The following B3GALT5 variants were observed in gnomAD, a reference collection of about 807,000 sequenced individuals.
The protein encoded by B3GALT5 is UDP-Gal:betaGlcNAc beta 1,3-galactosyltransferase, polypeptide 5.
For synonymous variants in B3GALT5, 156 were observed against 158.6 expected (o/e 0.98, Z 0.12); for missense variants, 328 against 396.6 (o/e 0.83, Z 1.47).
chr21:39,642,873 CAA>C (rs1210751363), intron 1 of B3GALT5, among the ~76,000 whole-genome samples: 4 of 100,082 alleles, frequency 4.0e-5, no homozygotes, highest in Admixed American at 1.1e-4. Context: ...CCCATTGCCA[CAA>C]AAAAAAAAAA....
chr21:39,616,638 T>C (rs1023711774), intron 1 of B3GALT5, among the ~76,000 whole-genome samples: 4 of 152,200 alleles, frequency 2.6e-5, no homozygotes, highest in African/African-American at 9.6e-5. Flanking sequence ...AACAATTTTT[T>C]GAATTGTCCT....
chr21:39,618,009 C>G (rs58098567), intron 1 of B3GALT5, among the ~76,000 whole-genome samples: 44,855 of 151,538 alleles, frequency 0.3, 7,010 homozygotes, highest in African/African-American at 0.4. Context: ...AAAAAATTAC[C>G]CCAAGCGTGG....
intron 1 of B3GALT5, among the ~76,000 whole-genome samples, chr21:39,640,739 C>A (rs1007112433): frequency 6.6e-6 from 1 of 150,462 alleles, no homozygotes; most frequent in Non-Finnish European, 1.5e-5. Flanking sequence ...GCCTTTCCAA[C>A]CTGGATGCTT....
chr21:39,656,535 C>T (rs1374061868), intron 2 of B3GALT5, among the ~76,000 whole-genome samples: 2 of 152,208 alleles, frequency 1.3e-5, no homozygotes, highest in East Asian at 3.9e-4. Context: ...AGTGCTTTGT[C>T]CTTGCATACT....
At chr21:39,616,299 A>T (rs769143659) in intron 1 of B3GALT5, among the ~76,000 whole-genome samples, 27 of 152,008 alleles carry the variant, frequency 1.8e-4, no homozygotes, top group Non-Finnish European at 3.2e-4. Context: ...TCATTTTTCC[A>T]TAGAGGTGTT....
intron 2 of B3GALT5, among the ~76,000 whole-genome samples, chr21:39,653,373 C>T (rs747439669): frequency 7.2e-5 from 11 of 152,212 alleles, no homozygotes; most frequent in African/African-American, 1.7e-4. Context: ...CCAAATTCAC[C>T]CTTTTTGCCT....
intron 1 of B3GALT5, among the ~76,000 whole-genome samples, chr21:39,626,927 C>A (rs2079167031): frequency 6.6e-6 from 1 of 152,188 alleles, no homozygotes; most frequent in Non-Finnish European, 1.5e-5. Context: ...CTCCAGCAGT[C>A]ATCATTTCTT....
chr21:39,625,519 A>AT (rs2079159196), intron 1 of B3GALT5, among the ~76,000 whole-genome samples: 1 of 152,216 alleles, frequency 6.6e-6, no homozygotes, highest in Non-Finnish European at 1.5e-5. Flanking sequence ...ATGTGCAGGC[A>AT]TTTGCAGCAA....
At chr21:39,617,990 A>T (rs1239822239) in intron 1 of B3GALT5, among the ~76,000 whole-genome samples, 1 of 138,638 alleles carries the variant, frequency 7.2e-6, no homozygotes, top group Non-Finnish European at 1.6e-5. Context: ...AAATAAATAA[A>T]TAAAAAATAA....
chr21:39,656,398 G>T (rs1277204214), intron 2 of B3GALT5, among the ~76,000 whole-genome samples: 1 of 152,120 alleles, frequency 6.6e-6, no homozygotes, highest in African/African-American at 2.4e-5. Context: ...CCATCCCCTG[G>T]TTCCACCTGT....
intron 1 of B3GALT5, among the ~76,000 whole-genome samples, chr21:39,636,903 G>C (rs866368437): frequency 2.0e-5 from 3 of 152,184 alleles, no homozygotes; most frequent in Non-Finnish European, 4.4e-5. Context: ...TGTTTCTCAT[G>C]ACTTTTAGCC....
intron 1 of B3GALT5, among the ~76,000 whole-genome samples, chr21:39,618,820 T>A (rs1333411140): frequency 1.3e-5 from 2 of 152,238 alleles, no homozygotes; most frequent in Non-Finnish European, 2.9e-5. Flanking sequence ...TTGTGCTTTC[T>A]CTTAAGAAGA....
At chr21:39,639,695 G>A (rs1033975632) in intron 1 of B3GALT5, among the ~76,000 whole-genome samples, 1 of 151,734 alleles carries the variant, frequency 6.6e-6, no homozygotes, top group African/African-American at 2.4e-5. Context: ...GGTCAGGCTG[G>A]TCTTGAACTC....
intron 2 of B3GALT5, among the ~76,000 whole-genome samples, chr21:39,655,247 C>T (rs1200964634): frequency 6.6e-6 from 1 of 152,214 alleles, no homozygotes; most frequent in African/African-American, 2.4e-5. Context: ...GGCCCAGCTC[C>T]AGGCAGTCAG....
chr21:39,653,965 T>C (rs2079418052), intron 2 of B3GALT5, among the ~76,000 whole-genome samples: 3 of 152,242 alleles, frequency 2.0e-5, no homozygotes, highest in Non-Finnish European at 4.4e-5. Context: ...TAAGTGGTTT[T>C]TCTCTCCTGT....
chr21:39,645,694 G>A (rs2079331135), intron 1 of B3GALT5, among the ~76,000 whole-genome samples: 1 of 152,126 alleles, frequency 6.6e-6, no homozygotes, highest in South Asian at 2.1e-4. Context: ...GCAAATTGGG[G>A]GGAGTCATAC....
At chr21:39,623,237 CCCTCCCTTCCTTCCTT>C (rs1326473624) in intron 1 of B3GALT5, among the ~76,000 whole-genome samples, 1 of 15,948 alleles carries the variant, frequency 6.3e-5, no homozygotes, top group Non-Finnish European at 1.2e-4. Flanking sequence ...CTCCCTCCCT[CCCTCCCTTCCTTCCTT>C]CCTTCCTTCC....
intron 1 of B3GALT5, among the ~76,000 whole-genome samples, chr21:39,641,170 G>C (rs558964321): frequency 6.6e-6 from 1 of 152,266 alleles, no homozygotes; most frequent in South Asian, 2.1e-4. Context: ...AAGAAAGTTC[G>C]GGATATTAGC....
intron 3 of B3GALT5, among the ~76,000 whole-genome samples, chr21:39,660,261 A>G (rs1032269569): frequency 5.3e-5 from 8 of 152,142 alleles, no homozygotes; most frequent in Non-Finnish European, 1.2e-4. Flanking sequence ...CGAGTGAGGG[A>G]CCTGGTGCCA....
Sources: allele counts gnomAD v4.1 joint callset (sites outside exome capture counted in the v4.1 genomes callset), GRCh38; gene constraint gnomAD v4.1.1; transcripts MANE v1.5; gene names NCBI Gene and HGNC (gene_info 2026-07-23, HGNC 2026-07-21).